Variants in KCTD10 observed in about 807,000 individuals in gnomAD.
KCTD10 encodes the protein potassium channel tetramerization domain containing 10, also known as BTB/POZ domain-containing adapter for CUL3-mediated RhoA degradation protein 3.
In KCTD10, 13 loss-of-function variants were observed where a neutral mutation model predicts 34.6. That is an observed-to-expected ratio of 0.38 (90% CI 0.24 to 0.60). KCTD10 has a LOEUF of 0.60. KCTD10 is among the 20% of genes least tolerant of loss of function. The pLI is 0.66. For missense variants in KCTD10, 256 were observed against 420.3 expected, an observed-to-expected ratio of 0.61 and a Z score of 3.42; for synonymous variants, 156 against 168.8, an observed-to-expected ratio of 0.92 and a Z score of 0.59.
In KCTD10 at chr12:109,450,427, G is replaced by A. The variant is rs1339608930; in HGVS notation, c.*1168C>T. ...TATCCCTTAAACAAACATGAACACAGACACAAACCAGACCCAAAGTTATCT... is the reference window on the plus strand; with the variant it reads ...TATCCCTTAAACAAACATGAACACAAACACAAACCAGACCCAAAGTTATCT... On this transcript the variant is annotated 3_prime_UTR_variant, in exon 7 of 7. Coordinates refer to ENST00000228495, the MANE Select transcript of KCTD10 (RefSeq NM_031954.5). The A allele has an allele frequency of 2.5e-6, 1 of 399,018 alleles. No individual in the cohort carries two copies. Among genetic ancestry groups the A allele is most frequent in the Non-Finnish European group, 4.4e-6 (1 of 226,418 alleles). The allele number at this position is 399,018 out of a possible 1,614,324, so 24.7% of individuals were successfully genotyped here. A position where few individuals can be genotyped will look rare whatever the true frequency, so the allele number is the denominator to read the frequency against.
intron 5 of KCTD10, 48 bp from the exon 6 acceptor site, chr12:109,456,361 C>T (rs1391141084): frequency 2.5e-6 from 4 of 1,573,704 alleles, no homozygotes; most frequent in Non-Finnish European, 3.5e-6. Context: ...TAAAAACTGC[C>T]ATCATTTGCT....
chr12:109,474,920 G>A (rs1218546508), intron 1 of KCTD10, among the ~76,000 whole-genome samples: 1 of 152,174 alleles, frequency 6.6e-6, no homozygotes, highest in Non-Finnish European at 1.5e-5. Context: ...TGTGTGTTAA[G>A]GAAAACGGGA....
intron 1 of KCTD10, among the ~76,000 whole-genome samples, chr12:109,476,714 G>C (rs1332626327): frequency 6.6e-6 from 1 of 151,968 alleles, no homozygotes; most frequent in African/African-American, 2.4e-5. Context: ...TCCCTCACTG[G>C]GCCGTGTGTT....
intron 6 of KCTD10, among the ~76,000 whole-genome samples, chr12:109,452,296 C>A (rs956811350): frequency 6.6e-6 from 1 of 152,256 alleles, no homozygotes; most frequent in East Asian, 1.9e-4. Flanking sequence ...CTTCTCCTAA[C>A]AGAGCTGCAA....
At chr12:109,458,947 A>C (rs567342549) in intron 3 of KCTD10, 13 of 152,478 alleles carry the variant, frequency 8.5e-5, no homozygotes, top group African/African-American at 3.1e-4. Context: ...AACAGCTTTC[A>C]GAGTCTCTCA....
intron 2 of KCTD10, among the ~76,000 whole-genome samples, chr12:109,463,290 C>A (rs1196874407): frequency 3.3e-5 from 5 of 152,328 alleles, no homozygotes; most frequent in African/African-American, 1.2e-4. Context: ...TGACACTGGG[C>A]TCCGGCTCAA....
At chr12:109,476,438 C>T (rs1368241928) in intron 1 of KCTD10, among the ~76,000 whole-genome samples, 1 of 152,122 alleles carries the variant, frequency 6.6e-6, no homozygotes, top group African/African-American at 2.4e-5. Flanking sequence ...GTCATCTCTA[C>T]CCAGGGACAA....
chr12:109,473,782 C>CT (rs34468971), intron 1 of KCTD10, among the ~76,000 whole-genome samples: 33,006 of 138,614 alleles, frequency 0.24, 4,243 homozygotes, highest in Middle Eastern at 0.33. Context: ...TGGAATCCTG[C>CT]TTTTTTTTTT....
Position 109,466,780 on chromosome 12 carries a change from T to A in KCTD10, c.217+2735A>T, listed in dbSNP as rs559793733. Among the ~76,000 whole-genome samples the A allele has an allele frequency of 9.2e-4, 140 of 152,386 alleles. 2 individuals are homozygous for A. In the South Asian group the frequency reaches 0.014, roughly 16 times the overall value. Reference sequence around the variant, plus strand: ...CCCCTGTCCTTTAACCAGCAAGCTGTACTGCTGGATTCACTGCCTGGCTGA... The same window carrying A: ...CCCCTGTCCTTTAACCAGCAAGCTGAACTGCTGGATTCACTGCCTGGCTGA... On this transcript the variant is annotated intron_variant, in intron 2 of 6. Transcript: ENST00000228495.
Position 109,450,056 on chromosome 12 carries a change from CAA to C in KCTD10, c.*1537_*1538del, listed in dbSNP as rs1872688303. 1 of 386,136 alleles carries C rather than the reference CAA, an allele frequency of 2.6e-6. No homozygotes were observed. The highest frequency in any genetic ancestry group is 4.6e-6 in the Non-Finnish European group (1 of 218,640). The allele number at this position is 386,136 out of a possible 1,614,324, so 23.9% of individuals were successfully genotyped here. A position where few individuals can be genotyped will look rare whatever the true frequency, so the allele number is the denominator to read the frequency against. ...ACTGTCACAGGCAGGGCAGTAAGTA[CAA>C]AGTCTAAGCTGTAAAAACCGTTTGA... On this transcript the variant is annotated 3_prime_UTR_variant, in exon 7 of 7. Transcript: ENST00000228495.
At chr12:109,457,551 C>A in intron 5 of KCTD10, 79 bp downstream of exon 5, 1 of 1,267,030 alleles carries the variant, frequency 7.9e-7, no homozygotes, top group Non-Finnish European at 1.2e-6. Context: ...TCTGAAGGTA[C>A]GAAGAAGAGC....
At position 109,460,897 on chromosome 12, in the gene KCTD10, C is replaced by A; in HGVS notation, c.218-92G>T. 1 of 1,304,270 alleles carries A rather than the reference C, an allele frequency of 7.7e-7. No homozygotes were observed. The highest frequency in any genetic ancestry group is 1.1e-6 in the Non-Finnish European group (1 of 934,168). The allele number at this position is 1,304,270 out of a possible 1,614,324, so 80.8% of individuals were successfully genotyped here. A position where few individuals can be genotyped will look rare whatever the true frequency, so the allele number is the denominator to read the frequency against. ...TGGGGTGTCTCTCGGCTCCCTCTAC[C>A]TCCCAGCGGAGAGCGGGACTGCCTG... On this transcript the variant is annotated intron_variant, in intron 2 of 6. Transcript: ENST00000228495. This position sits in a 1 kb window ranked among gnomAD's most constrained non-coding sequence, Gnocchi z 4.5.
At chr12:109,455,939 T>C (rs1872994107) in intron 6 of KCTD10, among the ~76,000 whole-genome samples, 179 bp downstream of exon 6, 2 of 152,202 alleles carry the variant, frequency 1.3e-5, no homozygotes, top group African/African-American at 4.8e-5. Context: ...GAATGCCAGA[T>C]GAACCCTACA....
At position 109,460,825 on chromosome 12, in the gene KCTD10, G is replaced by A; in HGVS notation, c.218-20C>T. 1.2e-6 allele frequency: 2 copies of A among 1,611,910 alleles called. No individual in the cohort carries two copies. The highest frequency in any genetic ancestry group is 1.7e-6 in the Non-Finnish European group (2 of 1,178,540). On this transcript the variant is annotated intron_variant, in intron 2 of 6. Transcript: ENST00000228495. This position sits in a 1 kb window ranked among gnomAD's most constrained non-coding sequence, Gnocchi z 4.5. ...TCCAGCCTGCAGAGGGAGGAGGCAG[G>A]GGCTGGTTACATGGGCCCTCCTCTT...
At position 109,477,293 on chromosome 12, in the gene KCTD10, C is replaced by G. The variant is rs765172123; in HGVS notation, c.-31G>C. 4 of 1,613,748 alleles carry G rather than the reference C, an allele frequency of 2.5e-6. No individual in the cohort carries two copies. In the South Asian group the frequency reaches 3.3e-5, roughly 13 times the overall value. On this transcript the variant is annotated 5_prime_UTR_variant, in exon 1 of 7. Coordinates refer to ENST00000228495, the MANE Select transcript of KCTD10 (RefSeq NM_031954.5). ...GTCGGAGGACGCAGGAGTCTCCAAA[C>G]CCGGACTGAGAGAGGCAGGAAACAC... is the stretch of plus-strand genomic sequence containing the variant.
chr12:109,456,581 T>G, intron 5 of KCTD10: 1 of 480,666 alleles, frequency 2.1e-6, no homozygotes, highest in Non-Finnish European at 3.8e-6. Context: ...GCCTGAGTGC[T>G]CCTAACCATT....
rs535808756 is a variant in KCTD10 at position 109,448,962 on chromosome 12, G to A, written c.*2633C>T. 6.6e-6 allele frequency: 1 copy of A among 151,494 alleles called. No individual in the cohort carries two copies. Among genetic ancestry groups the A allele is most frequent in the South Asian group, 2.1e-4 (1 of 4,810 alleles). 9.4% of individuals were successfully genotyped at this position (151,494 alleles called of 1,614,324 possible). A position where few individuals can be genotyped will look rare whatever the true frequency, so the allele number is the denominator to read the frequency against. On this transcript the variant is annotated 3_prime_UTR_variant, in exon 7 of 7. Coordinates refer to ENST00000228495, the MANE Select transcript of KCTD10 (RefSeq NM_031954.5). ...GACAGAATATGCCAGGAATTGTCTTGGACATGGGCCCCAGTCACCACAATC... is the reference window on the plus strand; with the variant it reads ...GACAGAATATGCCAGGAATTGTCTTAGACATGGGCCCCAGTCACCACAATC...
In KCTD10 at chr12:109,460,454, G is replaced by A. The variant is rs1048488911; in HGVS notation, c.387+182C>T. ...TGACACAGTAGTTAGGTGGCCTGCT[G>A]TTCCAGGGAGGCCTCTCAGGGGTCA... is the stretch of plus-strand genomic sequence containing the variant. On this transcript the variant is annotated intron_variant, in intron 3 of 6. Coordinates refer to ENST00000228495, the MANE Select transcript of KCTD10 (RefSeq NM_031954.5). This position sits in a 1 kb window ranked among gnomAD's most constrained non-coding sequence, Gnocchi z 4.5. The A allele has an allele frequency of 8.2e-6, 5 of 608,672 alleles. No individual in the cohort carries two copies. Among genetic ancestry groups the A allele is most frequent in the Non-Finnish European group, 1.4e-5 (5 of 346,666 alleles). 37.7% of individuals were successfully genotyped at this position (608,672 alleles called of 1,614,324 possible).
rs1872759828 is a variant in KCTD10 at position 109,451,418 on chromosome 12, G to A, written c.*177C>T. 8.1e-6 allele frequency: 5 copies of A among 614,978 alleles called. No homozygotes were observed. The African/African-American group carries it at 9.2e-5, about 11-fold the overall frequency. 38.1% of individuals were successfully genotyped at this position (614,978 alleles called of 1,614,324 possible). On this transcript the variant is annotated 3_prime_UTR_variant, in exon 7 of 7. Transcript: ENST00000228495. The surrounding 1 kb of genome is among the most constrained non-coding windows in gnomAD (Gnocchi z 5.0). ...TTCAACGACAGGGGTCATACGCCTG[G>A]GTCAAGACAATCAATTTGCCTTGTC...
Sources: allele counts gnomAD v4.1 joint callset (sites outside exome capture counted in the v4.1 genomes callset), GRCh38; gene constraint gnomAD v4.1.1; non-coding constraint Gnocchi (gnomAD v3.1); transcripts MANE v1.5; gene names NCBI Gene and HGNC (gene_info 2026-07-23, HGNC 2026-07-21).